ANGPTL3: variants seen among roughly 807,000 people sequenced by gnomAD.
ANGPTL3 encodes the protein angiopoietin-related protein 3.
ANGPTL3 carries 51 observed loss-of-function variants against 52.7 expected under a neutral mutation model. That is an observed-to-expected ratio of 0.97 (90% CI 0.77 to 1.22). The LOEUF (loss-of-function observed/expected upper bound fraction) is 1.22. Among genes scored for constraint, ANGPTL3 ranks in the 50% most tolerant of loss-of-function variants. The pLI is 0.00. For missense variants in ANGPTL3, 506 were observed against 520.7 expected, an observed-to-expected ratio of 0.97 and a Z score of 0.27; for synonymous variants, 185 against 179.8, an observed-to-expected ratio of 1.03 and a Z score of -0.23.
intron 1 of ANGPTL3, among the ~76,000 whole-genome samples, chr1:62,598,420 A>T (rs1649613885): frequency 1.3e-5 from 2 of 152,062 alleles, no homozygotes; most frequent in Admixed American, 6.6e-5. Flanking sequence ...TAAATAATAC[A>T]GTAAATGGAA....
rs1373558819 is a variant in ANGPTL3, at chr1:62,597,889, T to A, written c.323T>A (p.Val108Asp). Residue 108 changes from valine to aspartate, a missense_variant, in exon 1 of 7, where the codon GTC (valine) becomes GAC (aspartate). Physicochemically the swap from Val to Asp is radical, Grantham distance 152. Coordinates refer to ENST00000371129, the MANE Select transcript of ANGPTL3 (RefSeq NM_014495.4). The part of the protein sequence containing the change: ...ELRRTTYKLQ[V>D]KNEEVKNMSL... ...AGAAGAACTACATATAAACTACAAG[T>A]CAAAAATGAAGAGGTAAAGAATATG... is the stretch of plus-strand genomic sequence containing the variant. 1.3e-6 allele frequency: 2 copies of A among 1,572,426 alleles called. No homozygotes were observed. The highest frequency in any genetic ancestry group is 2.0e-5 in the Admixed American group (1 of 51,154).
At position 62,605,087 on chromosome 1, in the gene ANGPTL3, C is replaced by A. The variant is rs559923397; in HGVS notation, c.*270C>A. The A allele has an allele frequency of 1.5e-5, 5 of 331,690 alleles. No homozygotes were observed. The highest frequency in any genetic ancestry group is 4.3e-5 in the South Asian group (1 of 23,338). The allele number at this position is 331,690 out of a possible 1,614,324, so 20.5% of individuals were successfully genotyped here. A position where few individuals can be genotyped will look rare whatever the true frequency, so the allele number is the denominator to read the frequency against. On this transcript the variant is annotated 3_prime_UTR_variant, in exon 7 of 7. Coordinates refer to ENST00000371129, the MANE Select transcript of ANGPTL3 (RefSeq NM_014495.4). ...AGATGGTCACAATCTAGATTATAATCAATAGGTGAACTTATTAAATAACTT... is the reference window on the plus strand; with the variant it reads ...AGATGGTCACAATCTAGATTATAATAAATAGGTGAACTTATTAAATAACTT...
chr1:62,602,871 T>G (rs191931953), intron 5 of ANGPTL3, among the ~76,000 whole-genome samples: 1 of 151,742 alleles, frequency 6.6e-6, no homozygotes, highest in East Asian at 1.9e-4. Flanking sequence ...TGGCTTATAA[T>G]GAATTAGTTA....
Position 62,604,765 on chromosome 1 carries a change from T to TA in ANGPTL3, c.1335dup (p.Ser446IlefsTer15), listed in dbSNP as rs1314562249. The TA allele has an allele frequency of 6.2e-7, 1 of 1,613,090 alleles. No homozygotes were observed. The highest frequency in any genetic ancestry group is 1.7e-5 in the Admixed American group (1 of 59,940). ...TCTCAAAATGGAAGGTTATACTCTA[T>TA]AAAATCAACCAAAATGTTGATCCAT... On this transcript the variant is annotated frameshift_variant, in exon 7 of 7. Transcript: ENST00000371129. LOFTEE classifies it high-confidence loss of function.
In ANGPTL3 at chr1:62,601,155, C is replaced by T. The variant is rs1427453882; in HGVS notation, c.680C>T (p.Pro227Leu). ...SSKPRAPRTT[P>L]FLQLNEIRNV... ...AAGCCAAGAGCACCAAGAACTACTC[C>T]CTTTCTTCAGTTGAATGAAATAAGA... The change falls in exon 3 of 7, where the codon CCC (proline) becomes CTC (leucine). Residue 227 changes from proline to leucine, a missense_variant. Physicochemically the swap from Pro to Leu is moderately conservative, Grantham distance 98. Transcript: ENST00000371129. The T allele has an allele frequency of 6.2e-7, 1 of 1,610,628 alleles. No homozygotes were observed. Among genetic ancestry groups the T allele is most frequent in the African/African-American group, 1.3e-5 (1 of 74,774 alleles).
intron 6 of ANGPTL3, 133 bp from the exon 7 acceptor site, chr1:62,604,496 GATTA>G: frequency 4.0e-6 from 4 of 999,352 alleles, no homozygotes; most frequent in Non-Finnish European, 6.0e-6. Context: ...GACTTATACA[GATTA>G]TTTAAAACTG....
At chr1:62,600,429 AAACT>A (rs1649938800) in intron 2 of ANGPTL3, among the ~76,000 whole-genome samples, 1 of 151,862 alleles carries the variant, frequency 6.6e-6, no homozygotes, top group Admixed American at 6.6e-5. Flanking sequence ...CAGCATCAAA[AAACT>A]AACACTAATA....
Position 62,604,942 on chromosome 1 carries a change from C to A in ANGPTL3, c.*125C>A. ...AAATAGATTTTTTTTATCTTAAAGTCACTGTCTATTTAAGATTAAACATAC... is the reference window on the plus strand; with the variant it reads ...AAATAGATTTTTTTTATCTTAAAGTAACTGTCTATTTAAGATTAAACATAC... On this transcript the variant is annotated 3_prime_UTR_variant, in exon 7 of 7. Transcript: ENST00000371129. 1 of 965,580 alleles carries A rather than the reference C, an allele frequency of 1.0e-6. No individual in the cohort carries two copies. The highest frequency in any genetic ancestry group is 1.6e-6 in the Non-Finnish European group (1 of 630,846). The allele number at this position is 965,580 out of a possible 1,614,324, so 59.8% of individuals were successfully genotyped here.
At chr1:62,603,180 C>A (rs1650409270) in intron 5 of ANGPTL3, among the ~76,000 whole-genome samples, 1 of 151,732 alleles carries the variant, frequency 6.6e-6, no homozygotes, top group African/African-American at 2.4e-5. Context: ...AAAAGGCTGA[C>A]AGGTAAGTCG....
At chr1:62,604,492 T>C (rs1013753239) in intron 6 of ANGPTL3, 141 bp from the exon 7 acceptor site, 29 of 979,574 alleles carry the variant, frequency 3.0e-5, no homozygotes, top group East Asian at 1.3e-4. Context: ...TTGGGACTTA[T>C]ACAGATTATT....
chr1:62,601,139 G>A lies in ANGPTL3; in HGVS notation c.664G>A (p.Ala222Thr). ...TEISLSSKPR[A>T]PRTTPFLQLN... is the part of the protein sequence containing the mutation. ...AATTTCTCTATCTTCCAAGCCAAGA[G>A]CACCAAGAACTACTCCCTTTCTTCA... The change falls in exon 3 of 7, where the codon GCA becomes ACA. Residue 222 changes from alanine (A) to threonine (T), a missense_variant. Transcript: ENST00000371129. 6.2e-7 allele frequency: 1 copy of A among 1,610,978 alleles called. No homozygotes were observed. The highest frequency in any genetic ancestry group is 8.5e-7 in the Non-Finnish European group (1 of 1,177,738).
intron 6 of ANGPTL3, 198 bp from the exon 7 acceptor site, chr1:62,604,435 T>C: frequency 1.1e-6 from 1 of 890,582 alleles, no homozygotes; most frequent in Admixed American, 2.8e-5. Context: ...TCCTCAGATT[T>C]TCTATTTTTT....
chr1:62,602,959 A>C (rs1650375332), intron 5 of ANGPTL3, among the ~76,000 whole-genome samples: 1 of 151,726 alleles, frequency 6.6e-6, no homozygotes, highest in Non-Finnish European at 1.5e-5. Flanking sequence ...AAAATCCAAA[A>C]AGCACATACA....
rs542076092 is a variant in ANGPTL3, at chr1:62,605,624, C to T, written c.*807C>T. ...GTAAGAATGAACATATTTGTGGCATCGAGTTAAAGTTTATATTTCCCCTAA... is the reference window on the plus strand; with the variant it reads ...GTAAGAATGAACATATTTGTGGCATTGAGTTAAAGTTTATATTTCCCCTAA... On this transcript the variant is annotated 3_prime_UTR_variant, in exon 7 of 7. Transcript: ENST00000371129. 1 of 152,406 alleles carries T rather than the reference C, an allele frequency of 6.6e-6. No individual in the cohort carries two copies. The highest frequency in any genetic ancestry group is 1.5e-5 in the Non-Finnish European group (1 of 67,840). The allele number at this position is 152,406 out of a possible 1,614,324, so 9.4% of individuals were successfully genotyped here.
Position 62,601,536 on chromosome 1 carries a change from T to C in ANGPTL3, c.722-233T>C, listed in dbSNP as rs76989076. 0.011 allele frequency among the ~76,000 whole-genome samples: 1,644 copies of C among 151,734 alleles called. 38 individuals carry two copies. Among genetic ancestry groups the C allele is most frequent in the African/African-American group, 0.037 (1,553 of 41,492 alleles). ...AGGTCACTGGACTCCAGACTGGTGA[T>C]AGAACAAGACTCTGTCTCTAAAAAA... is the stretch of plus-strand genomic sequence containing the variant. On this transcript the variant is annotated intron_variant, in intron 3 of 6. Coordinates refer to ENST00000371129, the MANE Select transcript of ANGPTL3 (RefSeq NM_014495.4).
intron 2 of ANGPTL3, among the ~76,000 whole-genome samples, chr1:62,599,186 T>C (rs999690201): frequency 2.6e-5 from 4 of 152,104 alleles, no homozygotes; most frequent in African/African-American, 7.2e-5. Flanking sequence ...ATTTCACTCA[T>C]ATTGGCTCTT....
intron 5 of ANGPTL3, among the ~76,000 whole-genome samples, chr1:62,602,750 C>T (rs1290654484): frequency 6.6e-6 from 1 of 151,614 alleles, no homozygotes; most frequent in East Asian, 1.9e-4. Context: ...ACTCTATTCT[C>T]TCATTAACGT....
chr1:62,606,295 C>T lies in ANGPTL3; in HGVS notation c.*1478C>T, dbSNP rs1371705984. On this transcript the variant is annotated 3_prime_UTR_variant, in exon 7 of 7. Coordinates refer to ENST00000371129, the MANE Select transcript of ANGPTL3 (RefSeq NM_014495.4). ...AATTCATTATTTAATATATGAGTTG[C>T]TTCCTCTATTTGGTTTCCTTAAAAA... 6.6e-6 allele frequency: 1 copy of T among 150,654 alleles called. No individual in the cohort carries two copies. The highest frequency in any genetic ancestry group is 2.4e-5 in the African/African-American group (1 of 40,876). 9.3% of individuals were successfully genotyped at this position (150,654 alleles called of 1,614,324 possible). A position where few individuals can be genotyped will look rare whatever the true frequency, so the allele number is the denominator to read the frequency against.
rs777827120 is a variant in ANGPTL3 at position 62,598,746 on chromosome 1, G to A, written c.546G>A (p.Val182=). 1 of 1,611,266 alleles carries A rather than the reference G, an allele frequency of 6.2e-7. No homozygotes were observed. Among genetic ancestry groups the A allele is most frequent in the Admixed American group, 1.7e-5 (1 of 59,836 alleles). ...GCATCAAAGACCTTCTCCAGACCGT[G>A]GAAGACCAATATAAACAATTAAACC... The part of the protein sequence containing the change: ...DNSIKDLLQT[V]EDQYKQLNQQ... Residue 182 remains valine (V), a synonymous_variant, in exon 2 of 7, where the codon GTG becomes GTA. Transcript: ENST00000371129.
Sources: allele counts gnomAD v4.1 joint callset (sites outside exome capture counted in the v4.1 genomes callset), GRCh38; gene constraint gnomAD v4.1.1; transcripts MANE v1.5; gene names NCBI Gene and HGNC (gene_info 2026-07-23, HGNC 2026-07-21).